The following SCN2A variants were observed in gnomAD, a reference collection of about 807,000 sequenced individuals.
SCN2A encodes sodium voltage-gated channel alpha subunit 2, also known as sodium channel protein type 2 subunit alpha.
SCN2A carries 20 observed loss-of-function variants against 188.7 expected under a neutral mutation model. That is an observed-to-expected ratio of 0.11 (90% CI 0.07 to 0.15). The LOEUF (loss-of-function observed/expected upper bound fraction) is 0.15, where lower values mean the gene tolerates loss of function less well. Ranked by LOEUF, SCN2A falls within the 10% of genes least tolerant of loss-of-function variation. SCN2A has a pLI of 1.00. For synonymous variants in SCN2A, 804 were observed against 833.1 expected, an observed-to-expected ratio of 0.97 and a Z score of 0.60; for missense variants, 1,278 against 2,445.0, an observed-to-expected ratio of 0.52 and a Z score of 10.07.
At chr2:165,280,023 G>T (rs1695517113) in intron 1 of SCN2A, among the ~76,000 whole-genome samples, 1 of 152,210 alleles carries the variant, frequency 6.6e-6, no homozygotes, top group South Asian at 2.1e-4. Flanking sequence ...TGCCATGATT[G>T]TGAGGCCTCC....
chr2:165,355,505 A>T (rs868079924), intron 17 of SCN2A, among the ~76,000 whole-genome samples: 1 of 152,214 alleles, frequency 6.6e-6, no homozygotes, highest in African/African-American at 2.4e-5. Context: ...TGTTTATACA[A>T]AAATGAAGAC....
In SCN2A at chr2:165,350,277, G is replaced by C. The variant is rs372225563; in HGVS notation, c.2920-3915G>C. 1.2e-4 allele frequency among the ~76,000 whole-genome samples: 19 copies of C among 152,160 alleles called. No homozygotes were observed. The South Asian group carries it at 3.1e-3, about 25-fold the overall frequency. ...CTCTCACAAGTTGGGAATCAGGATG[G>C]AGAAACAATTAAAATATGTAATATG... On this transcript the variant is annotated intron_variant, in intron 16 of 26. Coordinates refer to ENST00000375437, the MANE Select transcript of SCN2A (RefSeq NM_001040142.2).
At chr2:165,306,724 G>C (rs1193109372) in intron 3 of SCN2A, among the ~76,000 whole-genome samples, 1 of 151,844 alleles carries the variant, frequency 6.6e-6, no homozygotes, top group Non-Finnish European at 1.5e-5. Context: ...AGATGCAAAT[G>C]AACTTTCTTT....
intron 1 of SCN2A, among the ~76,000 whole-genome samples, chr2:165,265,683 A>G (rs114671228): frequency 0.023 from 3,424 of 150,498 alleles, 128 homozygotes; most frequent in African/African-American, 0.079. Context: ...TTCATTTTTT[A>G]TACTGTTTGC....
chr2:165,259,958 A>C (rs1356403998), intron 1 of SCN2A, among the ~76,000 whole-genome samples: 1 of 61,500 alleles, frequency 1.6e-5, no homozygotes, highest in African/African-American at 7.7e-5. Context: ...TTTTTTTTTG[A>C]GACGGAGTCT....
chr2:165,378,585 G>A (rs563307135), intron 23 of SCN2A, among the ~76,000 whole-genome samples: 8 of 151,662 alleles, frequency 5.3e-5, no homozygotes, highest in African/African-American at 1.2e-4. Context: ...GGCTTAATGC[G>A]TTAAATGGGA....
At chr2:165,354,083 G>T in intron 16 of SCN2A, 109 bp from the exon 17 acceptor site, 2 of 1,303,526 alleles carry the variant, frequency 1.5e-6, no homozygotes, top group South Asian at 2.4e-5. Flanking sequence ...TAGCAGAAAT[G>T]CATGTTAGAA....
At chr2:165,341,311 T>A (rs1377836520) in intron 14 of SCN2A, among the ~76,000 whole-genome samples, 1 of 151,984 alleles carries the variant, frequency 6.6e-6, no homozygotes, top group Non-Finnish European at 1.5e-5. Flanking sequence ...GCCAGGATAG[T>A]CTCGATCTCC....
intron 1 of SCN2A, among the ~76,000 whole-genome samples, chr2:165,291,575 T>TCCTTTC (rs1460696524): frequency 5.4e-4 from 38 of 70,562 alleles, no homozygotes; most frequent in African/African-American, 1.4e-3. Flanking sequence ...CTTCCTTCCT[T>TCCTTTC]TCTCTCTCTC....
At chr2:165,328,986 C>CTTTTTTTTTTTTTTTTT (rs1269103949) in intron 13 of SCN2A, among the ~76,000 whole-genome samples, 1 of 89,390 alleles carries the variant, frequency 1.1e-5, no homozygotes, top group Non-Finnish European at 2.1e-5. Context: ...TAAGATAGTC[C>CTTTTTTTTTTTTTTTTT]TTTTTTTTTT....
rs1696731800 is a variant in SCN2A, at chr2:165,300,270, C to G, written c.386+3135C>G. 3.9e-5 allele frequency among the ~76,000 whole-genome samples: 6 copies of G among 152,290 alleles called. No homozygotes were observed. In the South Asian group the frequency reaches 1.2e-3, roughly 32 times the overall value. On this transcript the variant is annotated intron_variant, in intron 3 of 26. Coordinates refer to ENST00000375437, the MANE Select transcript of SCN2A (RefSeq NM_001040142.2). The stretch of plus-strand genomic sequence containing the variant: ...TTACTCATTTGTTCATTTGCAAGTA[C>G]TTACTGAGTATCTACCATGTGGTAG...
intron 11 of SCN2A, among the ~76,000 whole-genome samples, chr2:165,320,826 G>C (rs543747201): frequency 1.3e-5 from 2 of 152,174 alleles, no homozygotes; most frequent in Non-Finnish European, 2.9e-5. Context: ...CTAGGCCTCC[G>C]AGCCTGTGAC....
chr2:165,326,068 C>A (rs1041460679), intron 12 of SCN2A, among the ~76,000 whole-genome samples: 1 of 150,956 alleles, frequency 6.6e-6, no homozygotes, highest in Non-Finnish European at 1.5e-5. Context: ...TTAGCTTTAC[C>A]TTTTTTTTTC....
chr2:165,275,991 C>T (rs1275853378), intron 1 of SCN2A, among the ~76,000 whole-genome samples: 1 of 152,080 alleles, frequency 6.6e-6, no homozygotes, highest in Non-Finnish European at 1.5e-5. Context: ...CCTCGGCCTC[C>T]CAAAGTGCTG....
rs532681917 is a variant in SCN2A at position 165,313,925 on chromosome 2, G to A, written c.1200G>A (p.Thr400=). 11 of 1,613,744 alleles carry A rather than the reference G, an allele frequency of 6.8e-6. No individual in the cohort carries two copies. Among genetic ancestry groups the A allele is most frequent in the East Asian group, 4.5e-5 (2 of 44,880 alleles). ...YQLTLRAAGK[T]YMIFFVLVIF... Reference sequence around the variant, plus strand: ...AGACACTACGTGCTGCTGGGAAAACGTACATGATATTTTTTGTGCTGGTCA... The same window carrying A: ...AGACACTACGTGCTGCTGGGAAAACATACATGATATTTTTTGTGCTGGTCA... The change falls in exon 10 of 27, where the codon ACG becomes ACA. Residue 400 remains threonine (T), a synonymous_variant. Transcript: ENST00000375437.
intron 1 of SCN2A, among the ~76,000 whole-genome samples, chr2:165,254,399 G>A (rs1361032930): frequency 2.6e-5 from 4 of 151,590 alleles, no homozygotes; most frequent in African/African-American, 7.3e-5. Flanking sequence ...TCATTTTTGA[G>A]GGTGTTCTTT....
At chr2:165,267,599 C>T (rs895564349) in intron 1 of SCN2A, 30 of 151,698 alleles carry the variant, frequency 2.0e-4, no homozygotes, top group African/African-American at 7.0e-4. Context: ...TTTTTTGAAT[C>T]TGACCCCAAA....
At chr2:165,308,394 A>G (rs1317765254) in intron 4 of SCN2A, among the ~76,000 whole-genome samples, 1 of 152,074 alleles carries the variant, frequency 6.6e-6, no homozygotes, top group Admixed American at 6.6e-5. Context: ...ATGCCAGTGT[A>G]TTTCAGATTA....
In SCN2A at chr2:165,389,478, T is replaced by C; in HGVS notation, c.5672T>C (p.Val1891Ala). The C allele has an allele frequency of 1.9e-6, 3 of 1,613,766 alleles. No homozygotes were observed. The highest frequency in any genetic ancestry group is 2.5e-6 in the Non-Finnish European group (3 of 1,179,938). Residue 1891 changes from valine to alanine, a missense_variant, in exon 27 of 27, where the codon GTC (valine) becomes GCC (alanine). By Grantham distance (64) the Val-to-Ala change is moderately conservative (BLOSUM62 0). Transcript: ENST00000375437. This position sits in a 1 kb window ranked among gnomAD's most constrained non-coding sequence, Gnocchi z 4.2. ...TTCATGGCATCAAACCCCTCCAAAG[T>C]CTCTTATGAGCCCATTACGACCACG... The part of the protein sequence containing the change: ...ERFMASNPSK[V>A]SYEPITTTLK...
Sources: gnomAD v4.1 joint callset for allele counts (sites outside exome capture counted in the v4.1 genomes callset) on GRCh38, gnomAD v4.1.1 for gene constraint, Gnocchi (gnomAD v3.1) non-coding constraint, MANE v1.5 for transcripts, NCBI Gene and HGNC (gene_info 2026-07-23, HGNC 2026-07-21) for gene names.